The following EPB41L2 variants were observed in gnomAD, a reference collection of about 807,000 sequenced individuals.
EPB41L2 encodes erythrocyte membrane protein band 4.1 like 2, also known as band 4.1-like protein 2.
A neutral mutation model predicts 113.0 loss-of-function variants in EPB41L2; 43 were observed. The ratio of observed to expected loss-of-function variants is 0.38; its 90% CI spans 0.30 to 0.49. The LOEUF (loss-of-function observed/expected upper bound fraction) is 0.49. Among genes scored for constraint, EPB41L2 ranks in the 20% least tolerant of loss-of-function variants. The pLI is 0.95. For missense variants in EPB41L2, 1,147 were observed against 1,223.4 expected, an observed-to-expected ratio of 0.94 and a Z score of 0.93; for synonymous variants, 442 against 436.7, an observed-to-expected ratio of 1.01 and a Z score of -0.15.
intron 1 of EPB41L2, among the ~76,000 whole-genome samples, chr6:130,977,147 T>G (rs572101783): frequency 5.5e-4 from 83 of 152,158 alleles, no homozygotes; most frequent in African/African-American, 2.0e-3. Context: ...ATGAAAGAAA[T>G]AAAACAAAAG....
chr6:130,991,233 C>T (rs985727640), intron 1 of EPB41L2, among the ~76,000 whole-genome samples: 1 of 152,056 alleles, frequency 6.6e-6, no homozygotes, highest in African/African-American at 2.4e-5. Flanking sequence ...TTTCCACTGC[C>T]CCCATCTGCC....
intron 19 of EPB41L2, among the ~76,000 whole-genome samples, chr6:130,857,415 T>C (rs1780591401): frequency 6.6e-6 from 1 of 152,214 alleles, no homozygotes; most frequent in African/African-American, 2.4e-5. Context: ...ACTATTCCTT[T>C]CTCTGCCAAG....
chr6:131,024,540 T>C (rs1389964945), intron 1 of EPB41L2, among the ~76,000 whole-genome samples: 1 of 152,184 alleles, frequency 6.6e-6, no homozygotes, highest in Non-Finnish European at 1.5e-5. Flanking sequence ...CCACAAGAGC[T>C]ATTCACCAGC....
intron 1 of EPB41L2, 35 bp from the exon 2 acceptor site, chr6:130,956,534 T>G: frequency 6.4e-7 from 1 of 1,551,144 alleles, no homozygotes; most frequent in Non-Finnish European, 8.7e-7. Flanking sequence ...AATGTCATTT[T>G]GTAAGTTCTC....
chr6:131,023,101 T>C (rs1789887469), intron 1 of EPB41L2, among the ~76,000 whole-genome samples: 1 of 152,216 alleles, frequency 6.6e-6, no homozygotes, highest in South Asian at 2.1e-4. Context: ...AAAACTACGT[T>C]AGATAAGTTT....
At position 130,867,460 on chromosome 6, in the gene EPB41L2, T is replaced by C; in HGVS notation, c.2729A>G (p.Gln910Arg). Residue 910 changes from glutamine (Q) to arginine (R), a missense_variant and splice_region_variant, in exon 16 of 20, where the codon CAG becomes CGG. By Grantham distance (43) the Gln-to-Arg change is conservative. Coordinates refer to ENST00000337057, the MANE Select transcript of EPB41L2 (RefSeq NM_001431.4). Reference sequence around the variant, plus strand: ...AGTCCAAGTCTAGAGCTTTTGTACCTGTGGAGACTCATATGTGATGGTTTT... The same window carrying C: ...AGTCCAAGTCTAGAGCTTTTGTACCCGTGGAGACTCATATGTGATGGTTTT... ...ETKTITYESP[Q>R]IDGGAGGDSG... 6.2e-7 allele frequency: 1 copy of C among 1,613,936 alleles called. No individual in the cohort carries two copies. The highest frequency in any genetic ancestry group is 8.5e-7 in the Non-Finnish European group (1 of 1,179,868).
chr6:130,873,103 CAACA>C (rs1786288583), intron 14 of EPB41L2, among the ~76,000 whole-genome samples: 1 of 152,148 alleles, frequency 6.6e-6, no homozygotes, highest in Non-Finnish European at 1.5e-5. Context: ...ACTCTCTGTA[CAACA>C]AACATTCTGA....
At chr6:130,884,577 A>T (rs980210113) in intron 12 of EPB41L2, among the ~76,000 whole-genome samples, 2 of 152,200 alleles carry the variant, frequency 1.3e-5, no homozygotes, top group Non-Finnish European at 2.9e-5. Flanking sequence ...TCTCCATTTC[A>T]CCATGGTGTA....
chr6:130,956,611 G>C, intron 1 of EPB41L2, 112 bp from the exon 2 acceptor site: 3 of 929,846 alleles, frequency 3.2e-6, no homozygotes, highest in Non-Finnish European at 4.7e-6. Context: ...AGATGACAGG[G>C]AGAAAGCACA....
intron 1 of EPB41L2, among the ~76,000 whole-genome samples, chr6:131,056,877 G>A (rs1003714519): frequency 2.0e-5 from 3 of 152,124 alleles, no homozygotes; most frequent in African/African-American, 7.2e-5. Flanking sequence ...AAAGAAATTT[G>A]TAAGGAAATA....
At chr6:130,964,193 T>C (rs1030234921) in intron 1 of EPB41L2, among the ~76,000 whole-genome samples, 1 of 152,124 alleles carries the variant, frequency 6.6e-6, no homozygotes, top group African/African-American at 2.4e-5. Flanking sequence ...GGCTAATTTT[T>C]GTATTTTTAG....
intron 3 of EPB41L2, among the ~76,000 whole-genome samples, chr6:130,949,011 C>T (rs1813895151): frequency 6.6e-6 from 1 of 152,110 alleles, no homozygotes; most frequent in Non-Finnish European, 1.5e-5. Flanking sequence ...GATAACATGA[C>T]CCACATAATT....
intron 13 of EPB41L2, 150 bp from the exon 14 acceptor site, chr6:130,878,400 A>C: frequency 3.7e-6 from 3 of 816,436 alleles, no homozygotes; most frequent in Non-Finnish European, 5.5e-6. Flanking sequence ...CTCTAAAGCC[A>C]TATTATTATC....
intron 10 of EPB41L2, among the ~76,000 whole-genome samples, chr6:130,893,363 G>A (rs1793581018): frequency 2.0e-5 from 3 of 152,038 alleles, no homozygotes; most frequent in South Asian, 2.1e-4. Context: ...AGAGAGGAGC[G>A]ATGCTTCATT....
chr6:130,864,594 C>T (rs1410786927), intron 17 of EPB41L2, among the ~76,000 whole-genome samples: 4 of 152,156 alleles, frequency 2.6e-5, no homozygotes, highest in Admixed American at 1.3e-4. Flanking sequence ...AAATACCACA[C>T]GGTCCTGGGA....
At chr6:130,933,027 T>C (rs989741383) in intron 3 of EPB41L2, among the ~76,000 whole-genome samples, 9 of 152,246 alleles carry the variant, frequency 5.9e-5, no homozygotes, top group African/African-American at 2.2e-4. Context: ...ATGCTTATAC[T>C]CTTCCTTAGT....
At chr6:130,884,146 C>A (rs950813988) in intron 12 of EPB41L2, among the ~76,000 whole-genome samples, 4 of 152,016 alleles carry the variant, frequency 2.6e-5, no homozygotes, top group Admixed American at 1.3e-4. Flanking sequence ...ATGAGCCTGA[C>A]CAACACGGTG....
chr6:130,944,835 T>C (rs749847352), intron 3 of EPB41L2, among the ~76,000 whole-genome samples: 1 of 151,946 alleles, frequency 6.6e-6, no homozygotes, highest in African/African-American at 2.4e-5. Context: ...GGGGCCGAGG[T>C]CCAGCTAAGG....
chr6:130,988,055 G>T (rs1429630379), intron 1 of EPB41L2, among the ~76,000 whole-genome samples: 6 of 152,038 alleles, frequency 3.9e-5, no homozygotes, highest in Non-Finnish European at 8.8e-5. Flanking sequence ...GGTGGAAGCT[G>T]CAGTGAGCCC....
Sources: allele counts gnomAD v4.1 joint callset (sites outside exome capture counted in the v4.1 genomes callset), GRCh38; gene constraint gnomAD v4.1.1; transcripts MANE v1.5; gene names NCBI Gene and HGNC (gene_info 2026-07-23, HGNC 2026-07-21).